Variants in ARHGAP44 observed in about 807,000 individuals in gnomAD.
ARHGAP44 encodes rho GTPase-activating protein 44.
ARHGAP44 carries 43 observed loss-of-function variants against 106.8 expected under a neutral mutation model. The ratio of observed to expected loss-of-function variants is 0.40; its 90% CI spans 0.32 to 0.52. The LOEUF (loss-of-function observed/expected upper bound fraction) is 0.52, where lower values mean the gene tolerates loss of function less well. Ranked by LOEUF, ARHGAP44 falls within the 20% of genes least tolerant of loss-of-function variation. ARHGAP44 has a pLI of 0.48. For synonymous variants in ARHGAP44, 439 were observed against 410.3 expected, an observed-to-expected ratio of 1.07 and a Z score of -0.85; for missense variants, 866 against 1,050.5, an observed-to-expected ratio of 0.82 and a Z score of 2.43.
chr17:12,860,681 C>A (rs2036043579), intron 1 of ARHGAP44, among the ~76,000 whole-genome samples: 2 of 151,752 alleles, frequency 1.3e-5, no homozygotes, highest in Admixed American at 1.3e-4. Flanking sequence ...GGTTATAGCC[C>A]CTGGTTTTCT....
chr17:12,975,795 CAAAAAAAAAAAA>C (rs57364760), intron 18 of ARHGAP44, among the ~76,000 whole-genome samples: 1 of 69,406 alleles, frequency 1.4e-5, no homozygotes, highest in Non-Finnish European at 2.6e-5. Flanking sequence ...GACTCCGTCT[CAAAAAAAAAAAA>C]AAAAAAAAAA....
intron 19 of ARHGAP44, chr17:12,982,922 G>C (rs1196196097): frequency 6.6e-6 from 1 of 152,184 alleles, no homozygotes; most frequent in African/African-American, 2.4e-5. Context: ...AGAAGGAAGA[G>C]CTTCTGACCT....
rs372861105 is a variant in ARHGAP44 at position 12,826,574 on chromosome 17, C to T, written c.53+36683C>T. On this transcript the variant is annotated intron_variant, in intron 1 of 20. Transcript: ENST00000379672. ...TCTTCAATTTTATTGGCCATTTTGG[C>T]GACAGCAGCACATTGTGTTGAATAT... Among the ~76,000 whole-genome samples the T allele has an allele frequency of 2.4e-4, 37 of 152,246 alleles. No individual in the cohort carries two copies. In the East Asian group the frequency reaches 2.7e-3, roughly 11 times the overall value.
At chr17:12,801,260 T>C (rs1031847895) in intron 1 of ARHGAP44, among the ~76,000 whole-genome samples, 1 of 152,282 alleles carries the variant, frequency 6.6e-6, no homozygotes, top group African/African-American at 2.4e-5. Flanking sequence ...CCTTTGCAGA[T>C]GTGTGTGCAC....
chr17:12,938,202 A>G (rs1360945099), intron 7 of ARHGAP44, among the ~76,000 whole-genome samples: 1 of 152,238 alleles, frequency 6.6e-6, no homozygotes, highest in Non-Finnish European at 1.5e-5. Flanking sequence ...ACAAGAAGAC[A>G]TTATAAAATT....
chr17:12,929,635 C>T (rs2038343112), intron 7 of ARHGAP44, among the ~76,000 whole-genome samples: 1 of 152,144 alleles, frequency 6.6e-6, no homozygotes, highest in African/African-American at 2.4e-5. Flanking sequence ...AGATGTTTCC[C>T]ATCTCCTTTT....
intron 1 of ARHGAP44, among the ~76,000 whole-genome samples, chr17:12,872,466 T>C (rs990951088): frequency 9.2e-5 from 14 of 152,180 alleles, no homozygotes; most frequent in Non-Finnish European, 2.9e-5. Flanking sequence ...GAAAGATAGG[T>C]AACCTCCTAA....
chr17:12,990,102 G>A lies in ARHGAP44; in HGVS notation c.2388G>A (p.Glu796=), dbSNP rs2040087622. Residue 796 remains glutamate, a synonymous_variant, in exon 21 of 21, where the codon GAG becomes GAA. Transcript: ENST00000379672. ...CGACGCTCCGCCTGAGTCCCCTGGA[G>A]CACATGCGGCGACACTCAGTAACTG... ...LGSTLRLSPL[E]HMRRHSVTDK... 6.2e-7 allele frequency: 1 copy of A among 1,613,334 alleles called. No homozygotes were observed. The highest frequency in any genetic ancestry group is 1.7e-5 in the Admixed American group (1 of 60,004).
At chr17:12,893,249 C>T (rs1208172486) in intron 1 of ARHGAP44, among the ~76,000 whole-genome samples, 1 of 152,138 alleles carries the variant, frequency 6.6e-6, no homozygotes, top group Non-Finnish European at 1.5e-5. Flanking sequence ...TTCTGGTTCT[C>T]TACTGGGCCT....
chr17:12,961,742 A>C (rs902467689), intron 16 of ARHGAP44, among the ~76,000 whole-genome samples: 1 of 152,204 alleles, frequency 6.6e-6, no homozygotes, highest in African/African-American at 2.4e-5. Context: ...TCCAAAAAAA[A>C]AAAGTTAAAT....
intron 18 of ARHGAP44, among the ~76,000 whole-genome samples, chr17:12,979,752 C>T (rs754805128): frequency 1.3e-5 from 2 of 152,202 alleles, no homozygotes; most frequent in Non-Finnish European, 2.9e-5. Flanking sequence ...TAGAGGTGCT[C>T]AGGCCCCTGC....
chr17:12,795,326 C>A lies in ARHGAP44; in HGVS notation c.53+5435C>A, dbSNP rs369074687. Among the ~76,000 whole-genome samples, 18 of 152,302 alleles carry A rather than the reference C, an allele frequency of 1.2e-4. No individual in the cohort carries two copies. The South Asian group carries it at 3.7e-3, about 32-fold the overall frequency. On this transcript the variant is annotated intron_variant, in intron 1 of 20. Coordinates refer to ENST00000379672, the MANE Select transcript of ARHGAP44 (RefSeq NM_014859.6). ...TGGAGAGAATATTCTTTGCTCTTAT[C>A]TTCTAAGATCCTCACTGTGTGGGTC...
At chr17:12,838,593 G>A (rs1410589871) in intron 1 of ARHGAP44, among the ~76,000 whole-genome samples, 1 of 152,102 alleles carries the variant, frequency 6.6e-6, no homozygotes, top group Non-Finnish European at 1.5e-5. Flanking sequence ...ACGTTGACTT[G>A]CTGGAAAATT....
chr17:12,857,765 G>GTTTATTTAT (rs796593109), intron 1 of ARHGAP44, among the ~76,000 whole-genome samples: 2 of 145,544 alleles, frequency 1.4e-5, no homozygotes, highest in African/African-American at 5.0e-5. Flanking sequence ...GGTTGCCCAT[G>GTTTATTTAT]TTATTTATTT....
At chr17:12,967,758 T>A (rs2039428990) in intron 16 of ARHGAP44, among the ~76,000 whole-genome samples, 2 of 152,090 alleles carry the variant, frequency 1.3e-5, no homozygotes, top group African/African-American at 4.8e-5. Context: ...GGCCTAATCC[T>A]CTCCCTGTAT....
rs188053576 is a variant in ARHGAP44 at position 12,830,832 on chromosome 17, G to A, written c.53+40941G>A. On this transcript the variant is annotated intron_variant, in intron 1 of 20. Coordinates refer to ENST00000379672, the MANE Select transcript of ARHGAP44 (RefSeq NM_014859.6). Reference sequence around the variant, plus strand: ...CACACAATGATTAATTTACACACAAGCTTAGCTTGTATCCCTTAGCAACAC... The same window carrying A: ...CACACAATGATTAATTTACACACAAACTTAGCTTGTATCCCTTAGCAACAC... 1.8e-3 allele frequency among the ~76,000 whole-genome samples: 277 copies of A among 152,242 alleles called. 2 individuals carry two copies. Among genetic ancestry groups the A allele is most frequent in the African/African-American group, 6.2e-3 (257 of 41,554 alleles).
chr17:12,954,206 T>G (rs573086449), intron 13 of ARHGAP44, among the ~76,000 whole-genome samples: 1 of 152,262 alleles, frequency 6.6e-6, no homozygotes, highest in African/African-American at 2.4e-5. Context: ...CTGAGATTAT[T>G]GTTTAATCGG....
intron 1 of ARHGAP44, among the ~76,000 whole-genome samples, chr17:12,890,257 G>A (rs929092844): frequency 1.3e-5 from 2 of 152,162 alleles, no homozygotes; most frequent in East Asian, 1.9e-4. Context: ...TCTGTGCCTG[G>A]ATCCCTAGGC....
chr17:12,903,016 A>G (rs1240636182), intron 3 of ARHGAP44, among the ~76,000 whole-genome samples: 1 of 150,938 alleles, frequency 6.6e-6, no homozygotes, highest in Non-Finnish European at 1.5e-5. Context: ...TGAACCACAG[A>G]AGAGCTGGTT....
Sources: allele counts gnomAD v4.1 joint callset (sites outside exome capture counted in the v4.1 genomes callset), GRCh38; gene constraint gnomAD v4.1.1; transcripts MANE v1.5; gene names NCBI Gene and HGNC (gene_info 2026-07-23, HGNC 2026-07-21).